The following TSPEAR variants were observed in gnomAD, a reference collection of about 807,000 sequenced individuals.
The protein encoded by TSPEAR is thrombospondin-type laminin G domain and EAR repeat-containing protein.
TSPEAR carries 69 observed loss-of-function variants against 71.6 expected under a neutral mutation model. The ratio of observed to expected loss-of-function variants is 0.96; its 90% CI spans 0.79 to 1.18. The LOEUF (loss-of-function observed/expected upper bound fraction) is 1.18, where lower values mean the gene tolerates loss of function less well. Among genes scored for constraint, TSPEAR ranks in the 50% most tolerant of loss-of-function variants. The probability of loss-of-function intolerance (pLI) is 0.00; values close to 1 mark genes in which losing one functional copy is unlikely to be tolerated. For missense variants in TSPEAR, 971 were observed against 894.9 expected (o/e 1.09, Z -1.09); for synonymous variants, 402 against 387.2 (o/e 1.04, Z -0.45).
chr21:44,643,325 A>T (rs1984124345), intron 1 of TSPEAR, among the ~76,000 whole-genome samples: 1 of 152,130 alleles, frequency 6.6e-6, no homozygotes, highest in South Asian at 2.1e-4. Flanking sequence ...AGTTCTGGAA[A>T]CCTCATGTGC....
rs1357736507 is a variant in TSPEAR, at chr21:44,711,243, G to A, written c.82+190C>T. 6.6e-6 allele frequency among the ~76,000 whole-genome samples: 1 copy of A among 151,872 alleles called. No individual in the cohort carries two copies. The highest frequency in any genetic ancestry group is 1.5e-5 in the Non-Finnish European group (1 of 67,976). On this transcript the variant is annotated intron_variant, in intron 1 of 11. Transcript: ENST00000323084. This position sits in a 1 kb window ranked among gnomAD's most constrained non-coding sequence, Gnocchi z 4.5. Reference sequence around the variant, plus strand: ...TTTCTATTGCAACTGCCTGCCCTGCGCTTTCATCTTCCCCACCTGTGCTCC... The same window carrying A: ...TTTCTATTGCAACTGCCTGCCCTGCACTTTCATCTTCCCCACCTGTGCTCC...
At chr21:44,525,631 G>A (rs782229012) in intron 8 of TSPEAR, 22 bp downstream of exon 8, 4 of 1,611,058 alleles carry the variant, frequency 2.5e-6, no homozygotes, top group South Asian at 2.2e-5. Context: ...GCCTCCCGGT[G>A]TGAAGGCCAC....
chr21:44,710,609 A>G lies in TSPEAR; in HGVS notation c.82+824T>C, dbSNP rs1299814709. Among the ~76,000 whole-genome samples, 7 of 152,182 alleles carry G rather than the reference A, an allele frequency of 4.6e-5. No homozygotes were observed. Among genetic ancestry groups the G allele is most frequent in the Admixed American group, 1.3e-4 (2 of 15,288 alleles). On this transcript the variant is annotated intron_variant, in intron 1 of 11. Coordinates refer to ENST00000323084, the MANE Select transcript of TSPEAR (RefSeq NM_144991.3). The surrounding 1 kb of genome is among the most constrained non-coding windows in gnomAD (Gnocchi z 4.6). ...GCAAACAAAACCAGAAGCGCAAGCCATCTCCTCGCCTCCCCTGATAGCCGT... is the reference window on the plus strand; with the variant it reads ...GCAAACAAAACCAGAAGCGCAAGCCGTCTCCTCGCCTCCCCTGATAGCCGT...
In TSPEAR at chr21:44,710,383, TC is replaced by T. The variant is rs1988156572; in HGVS notation, c.82+1049del. ...GAGGGCTGTCCTGGAGGCACAGCCATCCGTCCCTGGGTGGGCAGGCACGTTT... is the reference window on the plus strand; with the variant it reads ...GAGGGCTGTCCTGGAGGCACAGCCATCGTCCCTGGGTGGGCAGGCACGTTT... On this transcript the variant is annotated intron_variant, in intron 1 of 11. Transcript: ENST00000323084. This position sits in a 1 kb window ranked among gnomAD's most constrained non-coding sequence, Gnocchi z 4.6. Among the ~76,000 whole-genome samples the T allele has an allele frequency of 6.6e-6, 1 of 151,578 alleles. No individual in the cohort carries two copies. Among genetic ancestry groups the T allele is most frequent in the Non-Finnish European group, 1.5e-5 (1 of 67,884 alleles).
intron 1 of TSPEAR, chr21:44,658,459 G>A: frequency 1.6e-6 from 1 of 612,270 alleles, no homozygotes; most frequent in Non-Finnish European, 2.9e-6. Context: ...AGGAAGTCTT[G>A]GCTGCCAGAG....
chr21:44,688,516 G>T (rs575760963), intron 1 of TSPEAR, among the ~76,000 whole-genome samples: 5 of 152,108 alleles, frequency 3.3e-5, no homozygotes, highest in African/African-American at 1.2e-4. Context: ...GTCAGGAGAT[G>T]GAGACCATCC....
At chr21:44,541,851 CAA>C (rs1437192032) in intron 2 of TSPEAR, among the ~76,000 whole-genome samples, 2 of 152,196 alleles carry the variant, frequency 1.3e-5, no homozygotes, top group African/African-American at 4.8e-5. Context: ...CTCCCAGAAA[CAA>C]AAGTGATCTC....
intron 1 of TSPEAR, among the ~76,000 whole-genome samples, chr21:44,648,557 TAA>T (rs1259299793): frequency 3.9e-5 from 6 of 151,936 alleles, no homozygotes; most frequent in South Asian, 2.1e-4. Context: ...CACAAACAGT[TAA>T]AAAAAGAGGG....
At chr21:44,605,547 CA>C (rs1569215649) in intron 1 of TSPEAR, among the ~76,000 whole-genome samples, 1 of 152,154 alleles carries the variant, frequency 6.6e-6, no homozygotes, top group African/African-American at 2.4e-5. Flanking sequence ...TCCCTAATTT[CA>C]AAATACTTTA....
intron 1 of TSPEAR, among the ~76,000 whole-genome samples, chr21:44,691,601 A>G (rs1289074472): frequency 6.6e-6 from 1 of 152,254 alleles, no homozygotes; most frequent in African/African-American, 2.4e-5. Context: ...ACAGAATTCA[A>G]GTGAGAAATA....
intron 11 of TSPEAR, among the ~76,000 whole-genome samples, chr21:44,503,717 C>T (rs2052108636): frequency 8.0e-6 from 1 of 124,730 alleles, no homozygotes. Flanking sequence ...GGTGAGCCCT[C>T]GGCGGGAAGC....
chr21:44,671,539 C>T (rs1986055377), intron 1 of TSPEAR, among the ~76,000 whole-genome samples: 1 of 152,224 alleles, frequency 6.6e-6, no homozygotes, highest in South Asian at 2.1e-4. Flanking sequence ...TCACCACAGC[C>T]TCCACTGACA....
intron 1 of TSPEAR, chr21:44,666,792 GC>G (rs1569248676): frequency 6.2e-7 from 1 of 1,611,992 alleles, no homozygotes; most frequent in Admixed American, 1.7e-5. Context: ...ACAGCAGGAT[GC>G]CTGGCAGGAG....
chr21:44,519,416 C>T (rs1248437277), intron 9 of TSPEAR: 2 of 150,536 alleles, frequency 1.3e-5, no homozygotes, highest in Non-Finnish European at 2.9e-5. Flanking sequence ...GCTCTTGGCC[C>T]CAGCTTGCAG....
chr21:44,658,520 C>T (rs145309427), intron 1 of TSPEAR, among the ~76,000 whole-genome samples: 10 of 152,312 alleles, frequency 6.6e-5, no homozygotes, highest in Non-Finnish European at 8.8e-5. Flanking sequence ...CCAAATAAAT[C>T]GGCTGTCCCT....
intron 1 of TSPEAR, chr21:44,658,419 A>G: frequency 1.5e-6 from 1 of 668,174 alleles, no homozygotes. Flanking sequence ...AAAATGATTC[A>G]GACCTTCCAT....
intron 1 of TSPEAR, among the ~76,000 whole-genome samples, chr21:44,670,557 A>G (rs1555945710): frequency 6.6e-6 from 1 of 152,128 alleles, no homozygotes; most frequent in East Asian, 1.9e-4. Flanking sequence ...GGAAATGGTA[A>G]ATGAGAGATT....
chr21:44,665,978 G>A (rs1985732880), intron 1 of TSPEAR, among the ~76,000 whole-genome samples: 1 of 152,218 alleles, frequency 6.6e-6, no homozygotes, highest in Non-Finnish European at 1.5e-5. Flanking sequence ...AGGCGGGTAA[G>A]TCACTTCTGT....
chr21:44,533,159 A>G (rs890280703), intron 3 of TSPEAR, among the ~76,000 whole-genome samples: 1 of 152,232 alleles, frequency 6.6e-6, no homozygotes, highest in African/African-American at 2.4e-5. Flanking sequence ...GTGGAGAAAC[A>G]TTAAAATCGG....
Sources: gnomAD v4.1 joint callset for allele counts (sites outside exome capture counted in the v4.1 genomes callset) on GRCh38, gnomAD v4.1.1 for gene constraint, Gnocchi (gnomAD v3.1) non-coding constraint, MANE v1.5 for transcripts, NCBI Gene and HGNC (gene_info 2026-07-23, HGNC 2026-07-21) for gene names.